Variants in CDKL5 observed in about 807,000 individuals in gnomAD.
CDKL5 encodes cyclin-dependent kinase-like 5.
Under a neutral mutation model 61.7 loss-of-function variants are expected in CDKL5, and 8 were observed. The observed-to-expected ratio is 0.13, with a 90% CI of 0.08 to 0.23. The LOEUF (loss-of-function observed/expected upper bound fraction) is 0.23. Ranked by LOEUF, CDKL5 falls within the 10% of genes least tolerant of loss-of-function variation. The pLI, the probability that CDKL5 is intolerant of heterozygous loss-of-function variation, is 1.00. For synonymous variants in CDKL5, 275 were observed against 272.3 expected, an observed-to-expected ratio of 1.01 and a Z score of -0.10; for missense variants, 440 against 734.5, an observed-to-expected ratio of 0.60 and a Z score of 4.63.
intron 14 of CDKL5, among the ~76,000 whole-genome samples, chrX:18,612,667 AAG>A (rs1303518989): frequency 1.2e-4 from 13 of 107,952 alleles, no homozygotes; most frequent in East Asian, 2.9e-4. Context: ...AAAAAAAAAA[AAG>A]AGAGAGAGAA....
At chrX:18,519,848 G>A (rs995731213) in intron 3 of CDKL5, among the ~76,000 whole-genome samples, 3 of 112,246 alleles carry the variant, frequency 2.7e-5, no homozygotes, top group African/African-American at 9.7e-5. Context: ...ACGTAAATAA[G>A]AAATTAAGAC....
intron 3 of CDKL5, among the ~76,000 whole-genome samples, chrX:18,525,163 A>G (rs969051695): frequency 1.8e-5 from 2 of 111,290 alleles, no homozygotes; most frequent in African/African-American, 6.5e-5. Context: ...GCAGTGGCGC[A>G]ATCTTGGCTC....
At chrX:18,613,828 T>C (rs1158401416) in intron 15 of CDKL5, among the ~76,000 whole-genome samples, 1 of 111,957 alleles carries the variant, frequency 8.9e-6, no homozygotes, top group Admixed American at 9.5e-5. Context: ...AGGGGAACAG[T>C]CCTTTATGCT....
chrX:18,536,620 A>G (rs190336127), intron 3 of CDKL5, among the ~76,000 whole-genome samples: 3 of 107,238 alleles, frequency 2.8e-5, no homozygotes, highest in Admixed American at 1.0e-4. Flanking sequence ...TAATTTTTGT[A>G]TTTTTGGTAG....
intron 3 of CDKL5, among the ~76,000 whole-genome samples, chrX:18,530,719 C>G (rs1042367460): frequency 3.6e-5 from 4 of 111,261 alleles, no homozygotes. Context: ...TGCTTTTTGG[C>G]CTGCCTTGTA....
chrX:18,649,756 G>A (rs763830451), intron 20 of CDKL5, among the ~76,000 whole-genome samples: 6 of 112,192 alleles, frequency 5.3e-5, no homozygotes, highest in Non-Finnish European at 7.5e-5. Context: ...TTCTTTCTGT[G>A]GGCTGGGGAT....
chrX:18,476,241 G>T (rs1412255139), intron 1 of CDKL5, among the ~76,000 whole-genome samples: 1 of 110,597 alleles, frequency 9.0e-6, no homozygotes, highest in Non-Finnish European at 1.9e-5. Context: ...TGAGATGGGG[G>T]GTTTCACTGT....
chrX:18,606,538 C>G (rs1012678009), intron 12 of CDKL5, among the ~76,000 whole-genome samples: 8 of 112,475 alleles, frequency 7.1e-5, no homozygotes, highest in Non-Finnish European at 9.4e-5. Context: ...TACATTCTGG[C>G]TACTGTGCTA....
rs144135141 is a variant in CDKL5 at position 18,498,558 on chromosome X, A to G, written c.-162-8377A>G. ...GTTTTTAGTATTTTCTGATATATGCATATAAGATTCTCAATTTCCTCCTTA... is the reference window on the plus strand; with the variant it reads ...GTTTTTAGTATTTTCTGATATATGCGTATAAGATTCTCAATTTCCTCCTTA... On this transcript the variant is annotated intron_variant, in intron 1 of 17. Coordinates refer to ENST00000623535, the MANE Select transcript of CDKL5 (RefSeq NM_001323289.2). 2.2e-4 allele frequency among the ~76,000 whole-genome samples: 25 copies of G among 111,889 alleles called. No individual in the cohort carries two copies. The East Asian group carries it at 5.9e-3, about 26-fold the overall frequency.
chrX:18,622,481 A>G (rs1389287576), intron 16 of CDKL5, among the ~76,000 whole-genome samples: 1 of 112,398 alleles, frequency 8.9e-6, no homozygotes, highest in Non-Finnish European at 1.9e-5. Context: ...GCCTACTTTG[A>G]ATGAGCATTT....
At chrX:18,465,731 G>A (rs1207454399) in intron 1 of CDKL5, among the ~76,000 whole-genome samples, 3 of 111,791 alleles carry the variant, frequency 2.7e-5, no homozygotes, top group Non-Finnish European at 5.6e-5. Context: ...GTTAGGATTG[G>A]TTGGGATTGT....
intron 21 of CDKL5, among the ~76,000 whole-genome samples, chrX:18,652,538 T>TG (rs1928096160): frequency 9.0e-6 from 1 of 111,283 alleles, no homozygotes; most frequent in African/African-American, 3.3e-5. Flanking sequence ...GCGCAGTGGT[T>TG]GGCACCTGTA....
intron 4 of CDKL5, 42 bp from the exon 5 acceptor site, chrX:18,575,312 A>G: frequency 2.5e-6 from 3 of 1,179,880 alleles, no homozygotes; most frequent in Admixed American, 2.2e-5. Context: ...TAGTAGCTTG[A>G]AAGTTTTCAT....
At chrX:18,439,837 C>CA (rs199796155) in intron 1 of CDKL5, among the ~76,000 whole-genome samples, 405 of 37,520 alleles carry the variant, frequency 0.011, 1 homozygote, top group Middle Eastern at 0.088. Flanking sequence ...ATTTGGTCTC[C>CA]AAAAAAAAAA....
chrX:18,618,369 A>G (rs1926783129), intron 15 of CDKL5, among the ~76,000 whole-genome samples: 1 of 111,820 alleles, frequency 8.9e-6, no homozygotes, highest in Admixed American at 9.5e-5. Context: ...GAAGTTACAG[A>G]ACGTTAAAAA....
chrX:18,447,672 C>T (rs1331458895), intron 1 of CDKL5, among the ~76,000 whole-genome samples: 7 of 110,769 alleles, frequency 6.3e-5, no homozygotes, highest in South Asian at 3.8e-4. Flanking sequence ...TTCTTTCCCT[C>T]CCTCCTGTGT....
chrX:18,459,693 T>G lies in CDKL5; in HGVS notation c.-163+33998T>G, dbSNP rs193028929. Among the ~76,000 whole-genome samples the G allele has an allele frequency of 3.9e-3, 409 of 104,422 alleles. 2 individuals are homozygous for G. The highest frequency in any genetic ancestry group is 0.039 in the Middle Eastern group (8 of 207). 90.7% of individuals were successfully genotyped at this position (104,422 alleles called of 115,157 possible). On this transcript the variant is annotated intron_variant, in intron 1 of 17. Transcript: ENST00000623535. ...CTTCTGGGGAGGCCTCAGGAAGCTT[T>G]CTTTCTTTTTTTTTTTTTTTTTTTT... is the stretch of plus-strand genomic sequence containing the variant.
intron 3 of CDKL5, among the ~76,000 whole-genome samples, chrX:18,551,559 CATTATTATTATT>C (rs10659381): frequency 4.6e-3 from 374 of 80,949 alleles, no homozygotes; most frequent in East Asian, 0.017. Context: ...GATACCTTGA[CATTATTATTATT>C]ATTATTATTA....
rs1926278860 is a variant in CDKL5, at chrX:18,604,330, A to G, written c.1406A>G (p.Tyr469Cys). The change falls in exon 12 of 18, where the codon TAT becomes TGT. Residue 469 changes from tyrosine to cysteine, a missense_variant. Tyr to Cys is a radical substitution (Grantham distance 194, BLOSUM62 -2). This residue lies in a region of CDKL5 where 363 missense variants were observed against 516.3 expected (regional missense o/e 0.70). Coordinates refer to ENST00000623535, the MANE Select transcript of CDKL5 (RefSeq NM_001323289.2). ...QPNEKQSRHSYIDTIPQSSRS... is the reference protein window; with the variant it reads ...QPNEKQSRHSCIDTIPQSSRS... ...AATGAAAAGCAGAGTCGGCATAGCTATATTGACACAATTCCCCAGTCCTCT... is the reference window on the plus strand; with the variant it reads ...AATGAAAAGCAGAGTCGGCATAGCTGTATTGACACAATTCCCCAGTCCTCT... 1 of 1,208,321 alleles carries G rather than the reference A, an allele frequency of 8.3e-7. No individual in the cohort carries two copies. Among genetic ancestry groups the G allele is most frequent in the Admixed American group, 2.2e-5 (1 of 45,725 alleles).
Sources: allele counts gnomAD v4.1 joint callset (sites outside exome capture counted in the v4.1 genomes callset), GRCh38; gene constraint gnomAD v4.1.1; regional missense constraint gnomAD v4.1.1; transcripts MANE v1.5; gene names NCBI Gene and HGNC (gene_info 2026-07-23, HGNC 2026-07-21).